CSMD3: variants seen among roughly 807,000 people sequenced by gnomAD.
The protein encoded by CSMD3 is CUB and sushi domain-containing protein 3.
CSMD3 carries 177 observed loss-of-function variants against 435.2 expected under a neutral mutation model. That is an observed-to-expected ratio of 0.41 (90% CI 0.36 to 0.46). The LOEUF is 0.46. Among genes scored for constraint, CSMD3 ranks in the 20% least tolerant of loss-of-function variants. The probability of loss-of-function intolerance (pLI) is 0.34; values close to 1 mark genes in which losing one functional copy is unlikely to be tolerated. For missense variants in CSMD3, 4,265 were observed against 4,504.6 expected (o/e 0.95, Z 1.52); for synonymous variants, 1,656 against 1,520.5 (o/e 1.09, Z -2.07).
intron 6 of CSMD3, among the ~76,000 whole-genome samples, chr8:113,013,492 G>C (rs186642105): frequency 3.7e-4 from 57 of 152,124 alleles, no homozygotes; most frequent in African/African-American, 1.4e-3. Context: ...GTTAAGGGTG[G>C]TATGGCTATC....
chr8:112,774,329 C>G, intron 13 of CSMD3, among the ~76,000 whole-genome samples: 1 of 152,080 alleles, frequency 6.6e-6, no homozygotes, highest in Middle Eastern at 3.4e-3. Flanking sequence ...TGGAACTTAT[C>G]TACACAACAT....
intron 2 of CSMD3, chr8:113,313,109 C>T (rs1247875216): frequency 6.6e-6 from 1 of 152,056 alleles, no homozygotes; most frequent in African/African-American, 2.4e-5. Flanking sequence ...CACATTTTCT[C>T]GTAATACCTG....
intron 1 of CSMD3, among the ~76,000 whole-genome samples, chr8:113,355,267 A>G (rs1440430160): frequency 6.6e-6 from 1 of 152,018 alleles, no homozygotes. Context: ...GTGTACATAT[A>G]TAACACACAC....
At chr8:112,232,454 C>T (rs900864514) in intron 68 of CSMD3, among the ~76,000 whole-genome samples, 2 of 152,036 alleles carry the variant, frequency 1.3e-5, no homozygotes, top group African/African-American at 4.8e-5. Context: ...ACTAAAATTA[C>T]AAAAATTAGC....
At chr8:112,688,178 A>G (rs1000904243) in intron 14 of CSMD3, among the ~76,000 whole-genome samples, 1 of 152,148 alleles carries the variant, frequency 6.6e-6, no homozygotes, top group Non-Finnish European at 1.5e-5. Context: ...TTTGGCCCAC[A>G]ATCTGTTTGC....
chr8:112,449,979 C>T (rs1335805478), intron 32 of CSMD3, among the ~76,000 whole-genome samples: 4 of 152,330 alleles, frequency 2.6e-5, no homozygotes, highest in African/African-American at 9.6e-5. Flanking sequence ...CCGCCTCAGA[C>T]TCCCAAAGTT....
chr8:113,196,815 T>C (rs1360141335), intron 3 of CSMD3, among the ~76,000 whole-genome samples: 2 of 151,292 alleles, frequency 1.3e-5, no homozygotes, highest in Non-Finnish European at 3.0e-5. Context: ...ATGACACCTA[T>C]GATTTAAATT....
chr8:112,425,725 C>A (rs758949739), intron 32 of CSMD3, among the ~76,000 whole-genome samples: 1 of 151,992 alleles, frequency 6.6e-6, no homozygotes, highest in Non-Finnish European at 1.5e-5. Flanking sequence ...AAACTATTTT[C>A]ATGAATAATC....
At chr8:112,693,997 T>C (rs2076196418) in intron 13 of CSMD3, among the ~76,000 whole-genome samples, 1 of 151,880 alleles carries the variant, frequency 6.6e-6, no homozygotes, top group Non-Finnish European at 1.5e-5. Context: ...TGAAAAATTA[T>C]GTTGTCATTT....
chr8:113,392,973 GTGTA>G (rs2094467455), intron 1 of CSMD3, among the ~76,000 whole-genome samples: 1 of 150,660 alleles, frequency 6.6e-6, no homozygotes, highest in Non-Finnish European at 1.5e-5. Flanking sequence ...GTGTGTGTGT[GTGTA>G]TATACATATG....
intron 24 of CSMD3, among the ~76,000 whole-genome samples, chr8:112,567,973 A>G (rs1265549312): frequency 6.6e-6 from 1 of 152,158 alleles, no homozygotes; most frequent in Non-Finnish European, 1.5e-5. Flanking sequence ...ATTTGGGATG[A>G]GTTTCAGATT....
chr8:113,007,961 T>C (rs1217941773), intron 6 of CSMD3, among the ~76,000 whole-genome samples: 1 of 151,844 alleles, frequency 6.6e-6, no homozygotes, highest in Non-Finnish European at 1.5e-5. Context: ...AAATTATATA[T>C]AAAGAAATGA....
At chr8:112,576,778 C>T (rs1829975464) in intron 23 of CSMD3, among the ~76,000 whole-genome samples, 1 of 151,686 alleles carries the variant, frequency 6.6e-6, no homozygotes, top group African/African-American at 2.4e-5. Context: ...TATCTCCACA[C>T]CTTGGCCTCC....
chr8:112,770,116 T>C (rs1050747526), intron 13 of CSMD3, among the ~76,000 whole-genome samples: 11 of 152,052 alleles, frequency 7.2e-5, no homozygotes, highest in African/African-American at 2.4e-4. Context: ...TTCTTTTATT[T>C]CAAGTACATG....
At chr8:112,847,095 G>A (rs2080345548) in intron 11 of CSMD3, among the ~76,000 whole-genome samples, 1 of 151,974 alleles carries the variant, frequency 6.6e-6, no homozygotes, top group Admixed American at 6.6e-5. Flanking sequence ...CTGCCAACCT[G>A]GCTTTAATTT....
chr8:112,906,702 C>G (rs1244810421), intron 10 of CSMD3, among the ~76,000 whole-genome samples: 2 of 151,408 alleles, frequency 1.3e-5, no homozygotes, highest in African/African-American at 4.8e-5. Flanking sequence ...CTATCATCTC[C>G]CAAGGTTTCA....
At chr8:113,386,500 C>T (rs2094439784) in intron 1 of CSMD3, among the ~76,000 whole-genome samples, 1 of 151,660 alleles carries the variant, frequency 6.6e-6, no homozygotes, top group Admixed American at 6.6e-5. Flanking sequence ...TTTAGTCATC[C>T]CTGCACTCTT....
intron 1 of CSMD3, among the ~76,000 whole-genome samples, chr8:113,365,212 GA>G (rs1211243381): frequency 1.3e-5 from 2 of 151,716 alleles, no homozygotes; most frequent in Non-Finnish European, 2.9e-5. Flanking sequence ...TAACATGGAA[GA>G]AAAAAATCAA....
At chr8:113,192,394 T>C (rs1052454688) in intron 3 of CSMD3, among the ~76,000 whole-genome samples, 2 of 151,690 alleles carry the variant, frequency 1.3e-5, no homozygotes, top group Non-Finnish European at 1.5e-5. Context: ...CCCTTTCAAT[T>C]TTCTTTCGAT....
Sources: gnomAD v4.1 joint callset for allele counts (sites outside exome capture counted in the v4.1 genomes callset) on GRCh38, gnomAD v4.1.1 for gene constraint, MANE v1.5 for transcripts, NCBI Gene and HGNC (gene_info 2026-07-23, HGNC 2026-07-21) for gene names.